ACTR3: variants seen among roughly 807,000 people sequenced by gnomAD.
ACTR3 encodes actin-related protein 3.
In ACTR3, 12 loss-of-function variants were observed where a neutral mutation model predicts 56.8. The observed-to-expected ratio is 0.21, with a 90% confidence interval of 0.14 to 0.34. The LOEUF (loss-of-function observed/expected upper bound fraction) is 0.34, where lower values mean the gene tolerates loss of function less well. ACTR3 is among the 10% of genes least tolerant of loss of function. The pLI, the probability that ACTR3 is intolerant of heterozygous loss-of-function variation, is 1.00. For missense variants in ACTR3, 282 were observed against 512.5 expected (o/e 0.55, Z 4.34); for synonymous variants, 162 against 167.4 (o/e 0.97, Z 0.25).
At chr2:113,915,596 G>A (rs781049440) in intron 2 of ACTR3, among the ~76,000 whole-genome samples, 2 of 152,114 alleles carry the variant, frequency 1.3e-5, no homozygotes, top group African/African-American at 4.8e-5. Flanking sequence ...GTATATTTCA[G>A]GAGACTACTA....
intron 2 of ACTR3, among the ~76,000 whole-genome samples, chr2:113,914,472 A>C (rs1232690869): frequency 6.6e-6 from 1 of 152,156 alleles, no homozygotes; most frequent in Non-Finnish European, 1.5e-5. Flanking sequence ...TTAGCCAGGC[A>C]TGGTGGTGCA....
rs140550050 is a variant in ACTR3, at chr2:113,948,187, G to T, written c.859-3292G>T. Reference sequence around the variant, plus strand: ...TTTTCTTGTTTTCTTTTGGAAACAGGGTCTTGCTCTGTCACCCAGTGCAGT... The same window carrying T: ...TTTTCTTGTTTTCTTTTGGAAACAGTGTCTTGCTCTGTCACCCAGTGCAGT... On this transcript the variant is annotated intron_variant, in intron 8 of 11. Coordinates refer to ENST00000263238, the MANE Select transcript of ACTR3 (RefSeq NM_005721.5). Among the ~76,000 whole-genome samples the T allele has an allele frequency of 1.3e-3, 193 of 152,096 alleles. 2 individuals carry two copies. The East Asian group carries it at 0.021, about 16-fold the overall frequency.
intron 1 of ACTR3, among the ~76,000 whole-genome samples, chr2:113,905,591 A>G (rs1390799579): frequency 6.6e-6 from 1 of 152,134 alleles, no homozygotes; most frequent in Non-Finnish European, 1.5e-5. Context: ...ACCATCCTCC[A>G]TGATCCATAA....
chr2:113,914,709 C>G (rs1679372362), intron 2 of ACTR3, among the ~76,000 whole-genome samples: 1 of 151,734 alleles, frequency 6.6e-6, no homozygotes, highest in Non-Finnish European at 1.5e-5. Context: ...TTATCTACTC[C>G]TCACTTTCTA....
chr2:113,931,715 G>T (rs1334148736), intron 5 of ACTR3, among the ~76,000 whole-genome samples: 1 of 152,006 alleles, frequency 6.6e-6, no homozygotes, highest in African/African-American at 2.4e-5. Flanking sequence ...ATTTATCCTT[G>T]TAAATAATCC....
At chr2:113,906,864 C>T in intron 1 of ACTR3, among the ~76,000 whole-genome samples, 1 of 152,024 alleles carries the variant, frequency 6.6e-6, no homozygotes, top group Non-Finnish European at 1.5e-5. Context: ...TTTGTAGTAA[C>T]TTTTAAAATG....
chr2:113,929,190 T>C (rs78494489), intron 4 of ACTR3, among the ~76,000 whole-genome samples: 1 of 151,998 alleles, frequency 6.6e-6, no homozygotes, highest in Non-Finnish European at 1.5e-5. Context: ...TTGCTCAGGC[T>C]GGAATGCAGT....
intron 8 of ACTR3, among the ~76,000 whole-genome samples, chr2:113,947,996 G>C (rs764695241): frequency 6.6e-6 from 1 of 151,908 alleles, no homozygotes; most frequent in African/African-American, 2.4e-5. Context: ...CTTGGTCTGC[G>C]TATCCTAACA....
At chr2:113,940,673 A>G (rs1206100415) in intron 7 of ACTR3, among the ~76,000 whole-genome samples, 1 of 151,968 alleles carries the variant, frequency 6.6e-6, no homozygotes, top group Non-Finnish European at 1.5e-5. Context: ...ATTATTTGCC[A>G]CATAACCAAA....
rs1177857301 is a variant in ACTR3, at chr2:113,890,276, G to T, written c.-4G>T. 1 of 1,527,678 alleles carries T rather than the reference G, an allele frequency of 6.5e-7. No individual in the cohort carries two copies. Among genetic ancestry groups the T allele is most frequent in the African/African-American group, 1.4e-5 (1 of 72,278 alleles). 94.6% of individuals were successfully genotyped at this position (1,527,678 alleles called of 1,614,324 possible). A position where few individuals can be genotyped will look rare whatever the true frequency, so the allele number is the denominator to read the frequency against. ...GGCAGCAGCAGCAGCAGGCGAGGAG[G>T]AAGATGGCGGGACGGCTGCCGGCCT... On this transcript the variant is annotated 5_prime_UTR_variant, in exon 1 of 12. Coordinates refer to ENST00000263238, the MANE Select transcript of ACTR3 (RefSeq NM_005721.5).
At chr2:113,933,342 C>G (rs769875569) in intron 5 of ACTR3, among the ~76,000 whole-genome samples, 6 of 152,028 alleles carry the variant, frequency 3.9e-5, no homozygotes, top group Non-Finnish European at 8.8e-5. Context: ...AACCCCGTCT[C>G]TACTGAAAAT....
chr2:113,938,393 A>G (rs1679866391), intron 6 of ACTR3, among the ~76,000 whole-genome samples: 1 of 151,958 alleles, frequency 6.6e-6, no homozygotes, highest in African/African-American at 2.4e-5. Context: ...ATTGTTGTGT[A>G]TTGTATTTTT....
At chr2:113,908,251 G>GTT (rs200328609) in intron 1 of ACTR3, among the ~76,000 whole-genome samples, 2 of 136,666 alleles carry the variant, frequency 1.5e-5, no homozygotes, top group Non-Finnish European at 1.6e-5. Flanking sequence ...GCTGTTAGCA[G>GTT]TTTTTTTTTT....
chr2:113,927,337 T>G lies in ACTR3; in HGVS notation c.226-8T>G. ...ATTTAATTTGTATTTCCCTTTTTGT[T>G]TTAATAGTGGCCAATCCGCCATGGT... On this transcript the variant is annotated splice_polypyrimidine_tract_variant and splice_region_variant and intron_variant, in intron 3 of 11. Coordinates refer to ENST00000263238, the MANE Select transcript of ACTR3 (RefSeq NM_005721.5). The G allele has an allele frequency of 6.5e-7, 1 of 1,534,130 alleles. No individual in the cohort carries two copies. Among genetic ancestry groups the G allele is most frequent in the Non-Finnish European group, 8.8e-7 (1 of 1,141,022 alleles).
intron 8 of ACTR3, among the ~76,000 whole-genome samples, chr2:113,944,376 C>T (rs34380051): frequency 0.074 from 11,166 of 151,890 alleles, 458 homozygotes; most frequent in African/African-American, 0.1. Flanking sequence ...AGTATAGGTA[C>T]AGGAAAATGA....
chr2:113,937,180 T>C lies in ACTR3; in HGVS notation c.541-2779T>C, dbSNP rs527256139. 7.9e-5 allele frequency among the ~76,000 whole-genome samples: 12 copies of C among 152,304 alleles called. No individual in the cohort carries two copies. In the South Asian group the frequency reaches 2.1e-3, roughly 26 times the overall value. On this transcript the variant is annotated intron_variant, in intron 6 of 11. Transcript: ENST00000263238. ...GTGCAGTGGTGCGATCTCAGCTCGC[T>C]TCAACCTCTGCCTCCTGGGTTTAAG...
intron 1 of ACTR3, among the ~76,000 whole-genome samples, chr2:113,893,460 AT>A (rs1422891158): frequency 1.3e-5 from 2 of 151,550 alleles, no homozygotes; most frequent in South Asian, 2.1e-4. Flanking sequence ...CACCCAGTTA[AT>A]TTTTCTCTTT....
Position 113,895,206 on chromosome 2 carries a change from C to T in ACTR3, c.44+4883C>T, listed in dbSNP as rs1678984968. On this transcript the variant is annotated intron_variant, in intron 1 of 11. Transcript: ENST00000263238. ...CTAGCATTTATCGAGAATTGTATGT[C>T]AGCCCCTGTGCTAAATGCTTTATAT... 2.0e-5 allele frequency among the ~76,000 whole-genome samples: 3 copies of T among 152,112 alleles called. No homozygotes were observed. In the South Asian group the frequency reaches 6.2e-4, roughly 32 times the overall value.
chr2:113,913,058 G>T, intron 1 of ACTR3, 114 bp from the exon 2 acceptor site: 1 of 622,864 alleles, frequency 1.6e-6, no homozygotes, highest in Non-Finnish European at 2.7e-6. Context: ...TATGGAATTT[G>T]GTATATTATT....
Sources: allele counts gnomAD v4.1 joint callset (sites outside exome capture counted in the v4.1 genomes callset), GRCh38; gene constraint gnomAD v4.1.1; transcripts MANE v1.5; gene names NCBI Gene and HGNC (gene_info 2026-07-23, HGNC 2026-07-21).